Variants in SYNE3 observed in about 807,000 individuals in gnomAD.
The protein encoded by SYNE3 is spectrin repeat containing nuclear envelope family member 3, also known as nesprin-3.
In SYNE3, 100 loss-of-function variants were observed where a neutral mutation model predicts 111.2. That is an observed-to-expected ratio of 0.90 (90% confidence interval 0.77 to 1.06). The LOEUF (loss-of-function observed/expected upper bound fraction) is 1.06. Ranked by LOEUF, SYNE3 falls within the 50% of genes least tolerant of loss-of-function variation. SYNE3 has a pLI of 0.00. For missense variants in SYNE3, 1,160 were observed against 1,240.3 expected, an observed-to-expected ratio of 0.94 and a Z score of 0.97; for synonymous variants, 547 against 533.9, an observed-to-expected ratio of 1.02 and a Z score of -0.34.
At position 95,411,509 on chromosome 14, in the gene SYNE3, A is replaced by G. The variant is rs1235344014; in HGVS notation, c.*6317T>C. ...GAGTGGGGAGTGGGAAAGGTTGGTGATCAACTATTTTGATGTCTGTCTTGG... is the reference window on the plus strand; with the variant it reads ...GAGTGGGGAGTGGGAAAGGTTGGTGGTCAACTATTTTGATGTCTGTCTTGG... On this transcript the variant is annotated 3_prime_UTR_variant, in exon 18 of 18. Coordinates refer to ENST00000682763, the MANE Select transcript of SYNE3 (RefSeq NM_152592.6). 1 of 152,142 alleles carries G rather than the reference A, an allele frequency of 6.6e-6. No homozygotes were observed. Among genetic ancestry groups the G allele is most frequent in the African/African-American group, 2.4e-5 (1 of 41,396 alleles). 9.4% of individuals were successfully genotyped at this position (152,142 alleles called of 1,614,324 possible). A position where few individuals can be genotyped will look rare whatever the true frequency, so the allele number is the denominator to read the frequency against.
chr14:95,428,219 C>T (rs897863918), intron 17 of SYNE3, among the ~76,000 whole-genome samples: 1 of 152,212 alleles, frequency 6.6e-6, no homozygotes, highest in African/African-American at 2.4e-5. Flanking sequence ...AGAGTTTGAA[C>T]CACACAGGCT....
rs142276866 is a variant in SYNE3, at chr14:95,417,974, G to A, written c.2780C>T (p.Ala927Val). The A allele has an allele frequency of 9.8e-5, 158 of 1,613,070 alleles. No individual in the cohort carries two copies. The African/African-American group carries it at 1.9e-3, about 19-fold the overall frequency. The change falls in exon 18 of 18, where the codon GCG becomes GTG. Residue 927 changes from alanine (A) to valine (V), a missense_variant. Coordinates refer to ENST00000682763, the MANE Select transcript of SYNE3 (RefSeq NM_152592.6). ...GSLFRRACCVALPLQLLLLLF... is the reference protein window; with the variant it reads ...GSLFRRACCVVLPLQLLLLLF... ...CAGCAGAAGCAGCTGCAGTGGGAGCGCCACACAGCACGCCCTCCGGAAGAG... is the reference window on the plus strand; with the variant it reads ...CAGCAGAAGCAGCTGCAGTGGGAGCACCACACAGCACGCCCTCCGGAAGAG...
intron 13 of SYNE3, 129 bp from the exon 14 acceptor site, chr14:95,439,291 T>C: frequency 2.2e-6 from 3 of 1,360,358 alleles, no homozygotes; most frequent in Admixed American, 1.8e-5. Context: ...TGTGAGAATG[T>C]TCCTGAGGCA....
intron 13 of SYNE3, 107 bp from the exon 14 acceptor site, chr14:95,439,269 C>A (rs1886272836): frequency 5.3e-6 from 8 of 1,503,610 alleles, no homozygotes; most frequent in Non-Finnish European, 7.3e-6. Flanking sequence ...GTCAGTGCCC[C>A]CCACTGAAGT....
chr14:95,488,369 T>C (rs1889657424), intron 1 of SYNE3, among the ~76,000 whole-genome samples: 1 of 152,234 alleles, frequency 6.6e-6, no homozygotes, highest in Non-Finnish European at 1.5e-5. Context: ...TACTGAGTAC[T>C]ATTCCATAGC....
chr14:95,512,105 G>A (rs1034579557), intron 1 of SYNE3, among the ~76,000 whole-genome samples: 1 of 152,172 alleles, frequency 6.6e-6, no homozygotes, highest in Non-Finnish European at 1.5e-5. Context: ...CTTACTTGTT[G>A]TATGATTTGG....
chr14:95,490,000 C>T (rs1345296157), intron 1 of SYNE3, among the ~76,000 whole-genome samples: 1 of 152,238 alleles, frequency 6.6e-6, no homozygotes, highest in East Asian at 1.9e-4. Context: ...CCAACTTGCT[C>T]CCAAACCCCA....
intron 1 of SYNE3, among the ~76,000 whole-genome samples, chr14:95,511,175 CCA>C (rs1221859658): frequency 6.6e-6 from 1 of 152,232 alleles, no homozygotes; most frequent in African/African-American, 2.4e-5. Context: ...CCTGCTTCCC[CCA>C]CTGGAAAATG....
At chr14:95,444,720 T>C in intron 9 of SYNE3, 92 bp from the exon 10 acceptor site, 1 of 1,447,138 alleles carries the variant, frequency 6.9e-7, no homozygotes, top group Non-Finnish European at 9.1e-7. Flanking sequence ...CTGCTCTTCG[T>C]CTCGGCCAGC....
Position 95,439,686 on chromosome 14 carries a change from G to A in SYNE3, c.2172C>T (p.Ala724=), listed in dbSNP as rs17828632. The part of the protein sequence containing the change: ...VMEKSSPEGA[A]VVQEELRELA... Reference sequence around the variant, plus strand: ...GCTCCCTGAGCTCCTCCTGCACCACGGCAGCACCCTCCGGAGAAGACTTCT... The same window carrying A: ...GCTCCCTGAGCTCCTCCTGCACCACAGCAGCACCCTCCGGAGAAGACTTCT... The change falls in exon 13 of 18, where the codon GCC becomes GCT. Residue 724 remains alanine (A), a synonymous_variant. Coordinates refer to ENST00000682763, the MANE Select transcript of SYNE3 (RefSeq NM_152592.6). 0.13 allele frequency: 211,078 copies of A among 1,613,920 alleles called. 14,725 individuals are homozygous for A. Among genetic ancestry groups the A allele is most frequent in the South Asian group, 0.2 (18,175 of 91,066 alleles).
intron 17 of SYNE3, among the ~76,000 whole-genome samples, chr14:95,424,129 G>A (rs1885308162): frequency 1.3e-5 from 2 of 152,164 alleles, no homozygotes; most frequent in African/African-American, 4.8e-5. Context: ...AAGAGCTCAC[G>A]CAGTCTGAAG....
At chr14:95,424,360 A>G (rs1371286367) in intron 17 of SYNE3, among the ~76,000 whole-genome samples, 2 of 151,600 alleles carry the variant, frequency 1.3e-5, no homozygotes, top group African/African-American at 4.9e-5. Flanking sequence ...CCCATGAGAT[A>G]GTGTGCAAAC....
rs1888847897 is a variant in SYNE3, at chr14:95,475,734, T to C, written c.88A>G (p.Asn30Asp). The C allele has an allele frequency of 6.2e-7, 1 of 1,607,552 alleles. No individual in the cohort carries two copies. The highest frequency in any genetic ancestry group is 2.2e-5 in the East Asian group (1 of 44,488). The change falls in exon 2 of 18, where the codon AAT becomes GAT. Residue 30 changes from asparagine to aspartate, a missense_variant. Physicochemically the swap from Asn to Asp is conservative, Grantham distance 23 (BLOSUM62 1). Transcript: ENST00000682763. ...MKAVQDQLQV[N>D]DNTQGPRAAL... ...GCGCGGGGTCCCTGCGTGTTGTCAT[T>C]GACCTGCAGCTGGTCCTGCACAGCC...
intron 12 of SYNE3, 33 bp from the exon 13 acceptor site, chr14:95,439,817 C>A (rs768762782): frequency 1.9e-6 from 3 of 1,596,798 alleles, no homozygotes; most frequent in African/African-American, 2.7e-5. Flanking sequence ...GACACACACA[C>A]GGTGAGGGTG....
At chr14:95,447,432 A>G in intron 8 of SYNE3, among the ~76,000 whole-genome samples, 1 of 152,262 alleles carries the variant, frequency 6.6e-6, no homozygotes, top group South Asian at 2.1e-4. Flanking sequence ...CACCGTGCCC[A>G]GCCAAGAAAG....
intron 4 of SYNE3, 52 bp from the exon 5 acceptor site, chr14:95,457,390 CA>C: frequency 6.3e-7 from 1 of 1,593,340 alleles, no homozygotes. Flanking sequence ...CCAGACAGCC[CA>C]AAGGCCAGAA....
chr14:95,482,650 CA>C (rs1889328961), intron 1 of SYNE3, among the ~76,000 whole-genome samples: 1 of 152,030 alleles, frequency 6.6e-6, no homozygotes, highest in African/African-American at 2.4e-5. Flanking sequence ...TCCCATTTTA[CA>C]AAGAGGGAAA....
intron 17 of SYNE3, among the ~76,000 whole-genome samples, chr14:95,430,648 ACC>A (rs927351004): frequency 6.6e-6 from 1 of 152,080 alleles, no homozygotes; most frequent in Non-Finnish European, 1.5e-5. Context: ...ACATGGTGAA[ACC>A]CCGTCTCTAC....
chr14:95,471,337 G>A (rs1341238862), intron 2 of SYNE3, among the ~76,000 whole-genome samples: 1 of 152,224 alleles, frequency 6.6e-6, no homozygotes, highest in African/African-American at 2.4e-5. Context: ...TCCTGACTGT[G>A]TGGTCCCCCC....
Sources: allele counts gnomAD v4.1 joint callset (sites outside exome capture counted in the v4.1 genomes callset), GRCh38; gene constraint gnomAD v4.1.1; transcripts MANE v1.5; gene names NCBI Gene and HGNC (gene_info 2026-07-23, HGNC 2026-07-21).